The following SLC39A11 variants were observed in gnomAD, a reference collection of about 807,000 sequenced individuals.
The protein encoded by SLC39A11 is solute carrier family 39 member 11, also known as zinc transporter ZIP11.
Under a neutral mutation model 36.1 loss-of-function variants are expected in SLC39A11, and 33 were observed. The observed-to-expected ratio is 0.91, with a 90% CI of 0.69 to 1.22. SLC39A11 has a LOEUF of 1.22. Ranked by LOEUF, SLC39A11 falls within the 50% of genes most tolerant of loss-of-function variation. SLC39A11 has a pLI of 0.00. For missense variants in SLC39A11, 432 were observed against 430.3 expected, an observed-to-expected ratio of 1.00 and a Z score of -0.03; for synonymous variants, 166 against 170.3, an observed-to-expected ratio of 0.97 and a Z score of 0.20.
At chr17:72,766,588 C>G (rs945748263) in intron 6 of SLC39A11, among the ~76,000 whole-genome samples, 4 of 152,180 alleles carry the variant, frequency 2.6e-5, no homozygotes, top group African/African-American at 9.7e-5. Flanking sequence ...GTGGCTCTTT[C>G]TCTCTCCTTT....
chr17:72,892,783 G>C (rs2081823835), intron 5 of SLC39A11, among the ~76,000 whole-genome samples: 1 of 152,184 alleles, frequency 6.6e-6, no homozygotes, highest in African/African-American at 2.4e-5. Flanking sequence ...TTTAGAAAGA[G>C]TGCAGTGAGA....
At chr17:72,767,901 TG>T (rs1391470297) in intron 6 of SLC39A11, among the ~76,000 whole-genome samples, 1 of 151,556 alleles carries the variant, frequency 6.6e-6, no homozygotes, top group African/African-American at 2.4e-5. Context: ...CCATACCACT[TG>T]GGAGACAGAG....
chr17:72,651,129 A>G (rs1567905242), intron 7 of SLC39A11, among the ~76,000 whole-genome samples: 1 of 151,044 alleles, frequency 6.6e-6, no homozygotes, highest in Non-Finnish European at 1.5e-5. Context: ...TCCAGCCCTA[A>G]CAGAATCTCA....
intron 5 of SLC39A11, among the ~76,000 whole-genome samples, chr17:72,919,946 G>A (rs927661223): frequency 6.6e-6 from 1 of 152,170 alleles, no homozygotes; most frequent in Admixed American, 6.5e-5. Flanking sequence ...TTATTACTGC[G>A]GAAATTCATT....
intron 7 of SLC39A11, among the ~76,000 whole-genome samples, chr17:72,730,480 G>A (rs2074170821): frequency 6.6e-6 from 1 of 152,068 alleles, no homozygotes; most frequent in Non-Finnish European, 1.5e-5. Flanking sequence ...TAATCACTTA[G>A]AACTGAACAT....
At chr17:72,762,161 T>C (rs2075606792) in intron 6 of SLC39A11, among the ~76,000 whole-genome samples, 1 of 152,186 alleles carries the variant, frequency 6.6e-6, no homozygotes, top group Admixed American at 6.5e-5. Context: ...CTGGGCTGCA[T>C]TCCCAGGAGG....
intron 5 of SLC39A11, among the ~76,000 whole-genome samples, chr17:72,931,481 C>G (rs537510271): frequency 5.7e-4 from 87 of 152,258 alleles, no homozygotes; most frequent in African/African-American, 2.0e-3. Flanking sequence ...CTCCCCATCT[C>G]CAAGATCTCA....
intron 6 of SLC39A11, among the ~76,000 whole-genome samples, chr17:72,796,511 C>T (rs2076900146): frequency 6.6e-6 from 1 of 152,142 alleles, no homozygotes. Flanking sequence ...CTGAGCTTGG[C>T]CCCTGCAGGC....
intron 3 of SLC39A11, among the ~76,000 whole-genome samples, chr17:73,049,974 T>G (rs1452713368): frequency 6.6e-6 from 1 of 151,972 alleles, no homozygotes; most frequent in African/African-American, 2.4e-5. Flanking sequence ...AATACAAAAA[T>G]TAGCCGGGCG....
At chr17:72,829,884 C>T (rs1312144073) in intron 6 of SLC39A11, among the ~76,000 whole-genome samples, 1 of 152,028 alleles carries the variant, frequency 6.6e-6, no homozygotes, top group Non-Finnish European at 1.5e-5. Flanking sequence ...CTGAAATGCC[C>T]CCGGACTCAG....
At chr17:73,012,290 A>G (rs2090566976) in intron 4 of SLC39A11, among the ~76,000 whole-genome samples, 1 of 152,028 alleles carries the variant, frequency 6.6e-6, no homozygotes, top group Non-Finnish European at 1.5e-5. Flanking sequence ...AAAATAAAAT[A>G]ACTAAAAGAA....
At chr17:72,729,423 A>T (rs2074078112) in intron 7 of SLC39A11, among the ~76,000 whole-genome samples, 4 of 1,590 alleles carry the variant, frequency 2.5e-3, no homozygotes, top group Non-Finnish European at 3.5e-3. Flanking sequence ...ATATATATAT[A>T]TATATATATA....
At chr17:73,088,017 A>T (rs968575109) in intron 2 of SLC39A11, among the ~76,000 whole-genome samples, 3 of 152,174 alleles carry the variant, frequency 2.0e-5, no homozygotes, top group African/African-American at 7.2e-5. Context: ...AAGAAATTAC[A>T]TGGCAGGCCA....
chr17:72,934,598 G>A (rs1163518424), intron 5 of SLC39A11, among the ~76,000 whole-genome samples: 5 of 152,084 alleles, frequency 3.3e-5, no homozygotes, highest in African/African-American at 4.8e-5. Context: ...CCTGGGACGC[G>A]GAGGTTGCTG....
intron 7 of SLC39A11, among the ~76,000 whole-genome samples, chr17:72,697,979 T>C (rs1160854562): frequency 6.6e-6 from 1 of 152,200 alleles, no homozygotes; most frequent in African/African-American, 2.4e-5. Context: ...TTCAAATTGT[T>C]TTCCGCCTTG....
At chr17:73,002,414 C>G (rs1447149567) in intron 4 of SLC39A11, among the ~76,000 whole-genome samples, 2 of 152,194 alleles carry the variant, frequency 1.3e-5, no homozygotes, top group African/African-American at 4.8e-5. Flanking sequence ...ACTGGTAACT[C>G]TGGTGCCTCT....
rs571721163 is a variant in SLC39A11, at chr17:72,965,799, A to T, written c.307-17924T>A. Among the ~76,000 whole-genome samples, 4 of 152,346 alleles carry T rather than the reference A, an allele frequency of 2.6e-5. No individual in the cohort carries two copies. In the South Asian group the frequency reaches 8.3e-4, roughly 32 times the overall value. On this transcript the variant is annotated intron_variant, in intron 4 of 9. Transcript: ENST00000255559. Reference sequence around the variant, plus strand: ...GAGATACAAGGTGCCACACCATGCCAACAGCTGAGAAATCTGAACAGAGAG... The same window carrying T: ...GAGATACAAGGTGCCACACCATGCCTACAGCTGAGAAATCTGAACAGAGAG...
intron 6 of SLC39A11, among the ~76,000 whole-genome samples, chr17:72,761,391 A>G (rs1260812335): frequency 6.6e-6 from 1 of 152,190 alleles, no homozygotes; most frequent in Non-Finnish European, 1.5e-5. Flanking sequence ...CTGGGATTAC[A>G]GATGTGAGCC....
intron 7 of SLC39A11, among the ~76,000 whole-genome samples, chr17:72,663,447 G>A (rs1017211411): frequency 6.6e-6 from 1 of 152,192 alleles, no homozygotes; most frequent in Non-Finnish European, 1.5e-5. Context: ...TCCCGATCAA[G>A]AAACGGAACA....
Sources: allele counts gnomAD v4.1 joint callset (sites outside exome capture counted in the v4.1 genomes callset), GRCh38; gene constraint gnomAD v4.1.1; transcripts MANE v1.5; gene names NCBI Gene and HGNC (gene_info 2026-07-23, HGNC 2026-07-21).